The following RANBP2 variants were observed in gnomAD, a reference collection of about 807,000 sequenced individuals.
The protein encoded by RANBP2 is RAN binding protein 2.
A neutral mutation model predicts 303.6 loss-of-function variants in RANBP2; 57 were observed. The observed-to-expected ratio is 0.19, with a 90% CI of 0.15 to 0.23. RANBP2 has a LOEUF of 0.23. Ranked by LOEUF, RANBP2 falls within the 10% of genes least tolerant of loss-of-function variation. The probability of loss-of-function intolerance (pLI) is 1.00; values close to 1 mark genes in which losing one functional copy is unlikely to be tolerated. For missense variants in RANBP2, 3,138 were observed against 3,780.8 expected, an observed-to-expected ratio of 0.83 and a Z score of 4.46; for synonymous variants, 1,167 against 1,301.5, an observed-to-expected ratio of 0.90 and a Z score of 2.23.
chr2:109,402,307 G>A, the RANBP2 span, among the ~76,000 whole-genome samples: 1 of 152,282 alleles, frequency 6.6e-6, no homozygotes, highest in Non-Finnish European at 1.5e-5. Flanking sequence ...TGTGACCACA[G>A]TGCTGCAGGG....
chr2:108,839,335 T>A, the RANBP2 span: 1 of 1,544,324 alleles, frequency 6.5e-7, no homozygotes, highest in Admixed American at 1.8e-5. Context: ...CTATAAGTAA[T>A]ACTCCACCTA....
chr2:109,698,655 G>T, the RANBP2 span, among the ~76,000 whole-genome samples: 1 of 150,224 alleles, frequency 6.7e-6, no homozygotes, highest in Non-Finnish European at 1.5e-5. Flanking sequence ...CCTCCTAGTT[G>T]TGGGTCACAA....
the RANBP2 span, among the ~76,000 whole-genome samples, chr2:109,429,169 C>T: frequency 6.6e-6 from 1 of 152,148 alleles, no homozygotes; most frequent in Admixed American, 6.5e-5. Flanking sequence ...GTGGTCCCTC[C>T]AAGGCCTCCT....
At position 108,764,509 on chromosome 2, in the gene RANBP2, A is replaced by G; in HGVS notation, c.3970A>G (p.Lys1324Glu). 6.2e-7 allele frequency: 1 copy of G among 1,614,020 alleles called. No homozygotes were observed. The highest frequency in any genetic ancestry group is 8.5e-7 in the Non-Finnish European group (1 of 1,179,972). ...GTCAAATCAGGCTGTCAGAATTGTA[A>G]AAGAACCCACAAGTCATGATAACAA... Reference protein sequence around the residue: ...MASNQAVRIVKEPTSHDNKDI... With the variant: ...MASNQAVRIVEEPTSHDNKDI... Residue 1324 changes from lysine to glutamate, a missense_variant, in exon 20 of 29, where the codon AAA becomes GAA. Lys to Glu is a moderately conservative substitution (Grantham distance 56). This residue lies in a region of RANBP2 where 388 missense variants were observed against 328.5 expected (regional missense o/e 1.18). Transcript: ENST00000283195.
Position 108,765,078 on chromosome 2 carries a change from T to C in RANBP2, c.4539T>C (p.Thr1513=). The C allele has an allele frequency of 6.2e-7, 1 of 1,614,070 alleles. No homozygotes were observed. Among genetic ancestry groups the C allele is most frequent in the Non-Finnish European group, 8.5e-7 (1 of 1,179,978 alleles). ...CGAGAAAACAGAGTCTACCTGCTAC[T>C]TCTATTCCAACACCTGCCTCTTTTA... The part of the protein sequence containing the change: ...QNPRKQSLPA[T]SIPTPASFKF... Residue 1513 remains threonine, a synonymous_variant, in exon 20 of 29, where the codon ACT becomes ACC. Coordinates refer to ENST00000283195, the MANE Select transcript of RANBP2 (RefSeq NM_006267.5).
At chr2:108,890,976 T>A in the RANBP2 span, among the ~76,000 whole-genome samples, 1 of 152,196 alleles carries the variant, frequency 6.6e-6, no homozygotes, top group African/African-American at 2.4e-5. Flanking sequence ...ATTATATATT[T>A]CCTTCAATGA....
chr2:108,787,954 C>T, downstream of RANBP2: 1 of 1,186,480 alleles, frequency 8.4e-7, no homozygotes, highest in Non-Finnish European at 1.2e-6. Flanking sequence ...GTAATTAATA[C>T]ATAATTTGTG....
chr2:109,723,687 T>C, the RANBP2 span, among the ~76,000 whole-genome samples: 1 of 152,234 alleles, frequency 6.6e-6, no homozygotes, highest in Admixed American at 6.5e-5. Context: ...ATGGATAGAC[T>C]GCAAAACTTT....
At chr2:109,613,760 G>A in the RANBP2 span, 7 of 1,197,684 alleles carry the variant, frequency 5.8e-6, no homozygotes, top group Non-Finnish European at 6.3e-6. Flanking sequence ...GGGGGCCGGG[G>A]AGCGCGGGGC....
In RANBP2 at chr2:108,752,007, G is replaced by A; in HGVS notation, c.1755+13G>A. The A allele has an allele frequency of 6.2e-7, 1 of 1,611,302 alleles. No individual in the cohort carries two copies. Among genetic ancestry groups the A allele is most frequent in the East Asian group, 2.2e-5 (1 of 44,880 alleles). The stretch of plus-strand genomic sequence containing the variant: ...CCTTCAGAAAACGGTGAGTTTTAAA[G>A]TATAAGCATTTTTAAAGAACATTAC... On this transcript the variant is annotated intron_variant, in intron 12 of 28. Transcript: ENST00000283195.
chr2:109,018,764 C>A, the RANBP2 span, among the ~76,000 whole-genome samples: 1 of 152,214 alleles, frequency 6.6e-6, no homozygotes, highest in Admixed American at 6.5e-5. Context: ...TTAGAGGAGC[C>A]ACTCAGACCC....
At chr2:109,280,160 A>G in the RANBP2 span, among the ~76,000 whole-genome samples, 1 of 152,142 alleles carries the variant, frequency 6.6e-6, no homozygotes, top group African/African-American at 2.4e-5. Context: ...AATCATAAAG[A>G]GCTGACATCT....
chr2:108,762,034 C>A (rs2949969), intron 18 of RANBP2, 67 bp from the exon 19 acceptor site: 15 of 1,585,072 alleles, frequency 9.5e-6, no homozygotes, highest in East Asian at 9.0e-5. Flanking sequence ...ATAGCTCTTG[C>A]CTAGATAGTC....
At chr2:109,291,049 A>G in the RANBP2 span, among the ~76,000 whole-genome samples, 1 of 152,186 alleles carries the variant, frequency 6.6e-6, no homozygotes, top group Non-Finnish European at 1.5e-5. Flanking sequence ...TGCTGGGGTA[A>G]TGCTTAACAC....
rs2149128099 is a variant in RANBP2, at chr2:108,735,525, T to C, written c.406-7T>C. On this transcript the variant is annotated splice_region_variant and splice_polypyrimidine_tract_variant and intron_variant, in intron 4 of 28. Coordinates refer to ENST00000283195, the MANE Select transcript of RANBP2 (RefSeq NM_006267.5). ...TCTAATAATTTTTCTTTTTCCCCTCTAAATAGGAACAGCTTCTAGATTGTG... is the reference window on the plus strand; with the variant it reads ...TCTAATAATTTTTCTTTTTCCCCTCCAAATAGGAACAGCTTCTAGATTGTG... 6.3e-7 allele frequency: 1 copy of C among 1,597,584 alleles called. No homozygotes were observed. Among genetic ancestry groups the C allele is most frequent in the African/African-American group, 1.3e-5 (1 of 74,976 alleles).
the RANBP2 span, among the ~76,000 whole-genome samples, chr2:109,411,848 T>A: frequency 6.6e-6 from 1 of 152,228 alleles, no homozygotes; most frequent in Non-Finnish European, 1.5e-5. Context: ...AAGTAATAGC[T>A]TACTGTTAAA....
chr2:109,218,833 TCAAACACACACA>T, the RANBP2 span, among the ~76,000 whole-genome samples: 3 of 152,104 alleles, frequency 2.0e-5, no homozygotes, highest in Non-Finnish European at 4.4e-5. Flanking sequence ...AGGTGATTAA[TCAAACACACACA>T]CAAACACACA....
the RANBP2 span, chr2:109,613,936 G>A: frequency 9.9e-6 from 12 of 1,218,092 alleles, no homozygotes; most frequent in African/African-American, 1.6e-5. Flanking sequence ...GGCGGGGCGC[G>A]AGGCTAGGCT....
the RANBP2 span, among the ~76,000 whole-genome samples, chr2:109,149,852 CA>C: frequency 1.3e-5 from 2 of 152,166 alleles, no homozygotes; most frequent in Non-Finnish European, 2.9e-5. Context: ...ATTAAAATAC[CA>C]GGGGGTTCTT....
Sources: gnomAD v4.1 joint callset for allele counts (sites outside exome capture counted in the v4.1 genomes callset) on GRCh38, gnomAD v4.1.1 for gene constraint, gnomAD v4.1.1 regional missense constraint, MANE v1.5 for transcripts, NCBI Gene and HGNC (gene_info 2026-07-23, HGNC 2026-07-21) for gene names.